RPH3AL: variants seen among roughly 807,000 people sequenced by gnomAD.
The protein encoded by RPH3AL is rab effector Noc2.
In RPH3AL, 38 loss-of-function variants were observed where a neutral mutation model predicts 43.1. That is an observed-to-expected ratio of 0.88 (90% CI 0.68 to 1.15). The LOEUF is 1.15. Ranked by LOEUF, RPH3AL falls within the 50% of genes most tolerant of loss-of-function variation. RPH3AL has a pLI of 0.00. For synonymous variants in RPH3AL, 189 were observed against 176.3 expected (o/e 1.07, Z -0.57); for missense variants, 462 against 423.2 (o/e 1.09, Z -0.81).
intron 1 of RPH3AL, among the ~76,000 whole-genome samples, chr17:337,436 G>T (rs754664249): frequency 6.6e-6 from 1 of 152,124 alleles, no homozygotes; most frequent in Admixed American, 6.5e-5. Flanking sequence ...CCGCCTCACG[G>T]CATAAGGCTC....
intron 6 of RPH3AL, among the ~76,000 whole-genome samples, chr17:271,405 T>C (rs1206299881): frequency 6.6e-6 from 1 of 152,236 alleles, no homozygotes; most frequent in Non-Finnish European, 1.5e-5. Context: ...TTCCTATCCA[T>C]GAGCATGGAA....
chr17:334,991 A>T (rs1158404262), intron 1 of RPH3AL, among the ~76,000 whole-genome samples: 2 of 152,190 alleles, frequency 1.3e-5, no homozygotes, highest in African/African-American at 4.8e-5. Flanking sequence ...ATCTTGTTTC[A>T]GGGACACGTT....
rs112160764 is a variant in RPH3AL, at chr17:282,441, G to A, written c.352-587C>T. ...ATGCTCAGGTTCACATGGCAGCCAC[G>A]GATTCCGGTCGGACTCCAGAGACAG... On this transcript the variant is annotated intron_variant, in intron 5 of 9. Coordinates refer to ENST00000331302, the MANE Select transcript of RPH3AL (RefSeq NM_006987.4). Among the ~76,000 whole-genome samples, 953 of 152,236 alleles carry A rather than the reference G, an allele frequency of 6.3e-3. 3 individuals are homozygous for A. Among genetic ancestry groups the A allele is most frequent in the Non-Finnish European group, 9.7e-3 (660 of 68,014 alleles).
chr17:254,463 T>C (rs1185598407), intron 6 of RPH3AL, among the ~76,000 whole-genome samples: 1 of 13,872 alleles, frequency 7.2e-5, no homozygotes, highest in Non-Finnish European at 1.2e-4. Context: ...CGTCTGTCCT[T>C]TTCCGTCCCT....
chr17:252,666 A>G (rs570246248), intron 6 of RPH3AL, among the ~76,000 whole-genome samples: 8 of 152,084 alleles, frequency 5.3e-5, no homozygotes, highest in African/African-American at 1.9e-4. Context: ...CGCAGCCATC[A>G]CCCCGCACCC....
At chr17:331,858 T>C in intron 2 of RPH3AL, 2 of 1,289,188 alleles carry the variant, frequency 1.6e-6, no homozygotes, top group Non-Finnish European at 2.0e-6. Context: ...ACTGCGCCCT[T>C]GTACTCAGGT....
At chr17:217,515 G>C (rs1479681379) in intron 8 of RPH3AL, among the ~76,000 whole-genome samples, 1 of 47,030 alleles carries the variant, frequency 2.1e-5, no homozygotes, top group Non-Finnish European at 4.5e-5. Context: ...CTTCTTCTGC[G>C]CTAAAATTGG....
chr17:292,549 C>T (rs770557690), intron 5 of RPH3AL, among the ~76,000 whole-genome samples: 8 of 152,172 alleles, frequency 5.3e-5, no homozygotes, highest in Non-Finnish European at 1.0e-4. Context: ...AGCAGCTCGA[C>T]GTGGGGACCT....
At chr17:336,327 T>A (rs1306120256) in intron 1 of RPH3AL, among the ~76,000 whole-genome samples, 1 of 152,168 alleles carries the variant, frequency 6.6e-6, no homozygotes, top group Non-Finnish European at 1.5e-5. Context: ...CTCAAAGGCC[T>A]GTCTAAACGC....
In RPH3AL at chr17:224,858, G is replaced by A. The variant is rs944608146; in HGVS notation, c.614-5122C>T. 4.6e-5 allele frequency among the ~76,000 whole-genome samples: 7 copies of A among 150,994 alleles called. No individual in the cohort carries two copies. The East Asian group carries it at 5.9e-4, about 13-fold the overall frequency. Reference sequence around the variant, plus strand: ...AAACCATCATTCTCAGCAAACTATCGCAAAGACAAAAAACCAAACAGTGCA... The same window carrying A: ...AAACCATCATTCTCAGCAAACTATCACAAAGACAAAAAACCAAACAGTGCA... On this transcript the variant is annotated intron_variant, in intron 7 of 9. Transcript: ENST00000331302.
At chr17:297,994 G>A (rs1007029790) in intron 5 of RPH3AL, among the ~76,000 whole-genome samples, 13 of 152,068 alleles carry the variant, frequency 8.5e-5, no homozygotes, top group South Asian at 4.2e-4. Context: ...TGTCCCCACC[G>A]GCCTTGCCAA....
At chr17:265,446 G>GTT (rs2151578644) in intron 6 of RPH3AL, among the ~76,000 whole-genome samples, 1 of 152,146 alleles carries the variant, frequency 6.6e-6, no homozygotes, top group East Asian at 1.9e-4. Context: ...ATATTCAAAA[G>GTT]TTATATATAT....
chr17:308,006 C>A (rs532096059), intron 5 of RPH3AL, among the ~76,000 whole-genome samples: 3 of 152,280 alleles, frequency 2.0e-5, no homozygotes, highest in African/African-American at 7.2e-5. Context: ...GCAAGAGAGC[C>A]GAAGCAGGCC....
chr17:266,800 T>A (rs994850206), intron 6 of RPH3AL, among the ~76,000 whole-genome samples: 1 of 152,256 alleles, frequency 6.6e-6, no homozygotes, highest in East Asian at 1.9e-4. Flanking sequence ...GGAAATGCTT[T>A]GGCTTCCATT....
rs11150874 is a variant in RPH3AL at position 324,710 on chromosome 17, C to G, written c.77+2757G>C. ...ATCTATCTAGCTAGCTAGCTATGTA[C>G]CTATCTATCTATCTATCTATCTATG... On this transcript the variant is annotated intron_variant, in intron 3 of 9. Transcript: ENST00000331302. 3.0e-3 allele frequency among the ~76,000 whole-genome samples: 449 copies of G among 151,090 alleles called. 2 individuals are homozygous for G. The highest frequency in any genetic ancestry group is 0.011 in the African/African-American group (438 of 41,044).
intron 7 of RPH3AL, among the ~76,000 whole-genome samples, chr17:229,815 G>C (rs1019004056): frequency 6.6e-6 from 1 of 152,220 alleles, no homozygotes; most frequent in Non-Finnish European, 1.5e-5. Flanking sequence ...ACTCCCTGCA[G>C]GTTGTGGGTC....
chr17:247,482 C>T, intron 6 of RPH3AL, 197 bp from the exon 7 acceptor site: 1 of 528,592 alleles, frequency 1.9e-6, no homozygotes, highest in Non-Finnish European at 3.3e-6. Context: ...CTCTCCAAAC[C>T]TTCTTTCTCT....
intron 5 of RPH3AL, among the ~76,000 whole-genome samples, chr17:293,437 T>C (rs530174681): frequency 6.8e-6 from 1 of 147,902 alleles, no homozygotes; most frequent in South Asian, 2.2e-4. Flanking sequence ...ATCGGGGTAT[T>C]CAGACGAGAT....
chr17:315,947 T>C (rs796077877), intron 5 of RPH3AL, among the ~76,000 whole-genome samples: 1,821 of 133,774 alleles, frequency 0.014, no homozygotes, highest in South Asian at 0.016. Context: ...TCCATTGACC[T>C]GTAGTCCCTG....
Sources: gnomAD v4.1 joint callset for allele counts (sites outside exome capture counted in the v4.1 genomes callset) on GRCh38, gnomAD v4.1.1 for gene constraint, MANE v1.5 for transcripts, NCBI Gene and HGNC (gene_info 2026-07-23, HGNC 2026-07-21) for gene names.